Variants in SPAG16 observed in about 807,000 individuals in gnomAD.
The protein encoded by SPAG16 is sperm associated antigen 16.
SPAG16 carries 86 observed loss-of-function variants against 80.4 expected under a neutral mutation model. The observed-to-expected ratio is 1.07, with a 90% CI of 0.90 to 1.28. SPAG16 has a LOEUF of 1.28. Among genes scored for constraint, SPAG16 ranks in the 50% most tolerant of loss-of-function variants. The probability of loss-of-function intolerance (pLI) is 0.00; values close to 1 mark genes in which losing one functional copy is unlikely to be tolerated. For synonymous variants in SPAG16, 294 were observed against 265.9 expected, an observed-to-expected ratio of 1.11 and a Z score of -1.03; for missense variants, 870 against 765.3, an observed-to-expected ratio of 1.14 and a Z score of -1.61.
intron 10 of SPAG16, among the ~76,000 whole-genome samples, chr2:213,800,862 C>T (rs2071353021): frequency 6.6e-6 from 1 of 152,108 alleles, no homozygotes; most frequent in Non-Finnish European, 1.5e-5. Context: ...TTATGCTATG[C>T]TTTCTACCAA....
intron 10 of SPAG16, among the ~76,000 whole-genome samples, chr2:213,492,685 G>GTT (rs11421804): frequency 1.5e-3 from 210 of 136,310 alleles, no homozygotes; most frequent in Admixed American, 2.2e-3. Context: ...AAAGAAAGTT[G>GTT]TTTTTTTTTT....
chr2:214,028,763 G>T (rs371361693), intron 13 of SPAG16, among the ~76,000 whole-genome samples: 2 of 151,894 alleles, frequency 1.3e-5, no homozygotes, highest in Non-Finnish European at 2.9e-5. Flanking sequence ...TGTTAAAAAT[G>T]TATGTATGTG....
At chr2:214,084,515 GT>G (rs2051594815) in intron 13 of SPAG16, among the ~76,000 whole-genome samples, 1 of 152,130 alleles carries the variant, frequency 6.6e-6, no homozygotes, top group Admixed American at 6.5e-5. Flanking sequence ...CTATCAACAG[GT>G]TTTGCTTTTC....
rs186988976 is a variant in SPAG16 at position 213,369,482 on chromosome 2, T to A, written c.832+5337T>A. Among the ~76,000 whole-genome samples the A allele has an allele frequency of 6.6e-5, 10 of 152,262 alleles. No homozygotes were observed. The East Asian group carries it at 1.9e-3, about 29-fold the overall frequency. The stretch of plus-strand genomic sequence containing the variant: ...AATTTTGGTGGTAGTTACATGCCTG[T>A]TTATATTTGTCAAAACACACCTATC... On this transcript the variant is annotated intron_variant, in intron 8 of 15. Coordinates refer to ENST00000331683, the MANE Select transcript of SPAG16 (RefSeq NM_024532.5).
intron 10 of SPAG16, among the ~76,000 whole-genome samples, chr2:213,854,297 G>T (rs1455578838): frequency 1.3e-5 from 2 of 152,148 alleles, no homozygotes; most frequent in Non-Finnish European, 2.9e-5. Flanking sequence ...TATATGAAGG[G>T]CCAAATTACA....
chr2:214,248,484 A>G (rs1690020297), intron 15 of SPAG16, among the ~76,000 whole-genome samples: 1 of 151,662 alleles, frequency 6.6e-6, no homozygotes, highest in African/African-American at 2.4e-5. Flanking sequence ...CACCCAGCTA[A>G]TTTTTGTATT....
intron 10 of SPAG16, among the ~76,000 whole-genome samples, chr2:213,814,872 A>AATATATATATATATATAT (rs34269015): frequency 3.2e-4 from 47 of 148,256 alleles, no homozygotes; most frequent in African/African-American, 1.1e-3. Flanking sequence ...AACAGCCTTA[A>AATATATATATATATATAT]ATATATATAT....
At chr2:214,158,505 A>G (rs2056308741) in intron 15 of SPAG16, among the ~76,000 whole-genome samples, 1 of 152,060 alleles carries the variant, frequency 6.6e-6, no homozygotes, top group South Asian at 2.1e-4. Context: ...ATAAATTCCA[A>G]CATTTTAATA....
chr2:213,326,311 C>T (rs1348822117), intron 5 of SPAG16, among the ~76,000 whole-genome samples: 1 of 151,928 alleles, frequency 6.6e-6, no homozygotes, highest in Non-Finnish European at 1.5e-5. Flanking sequence ...ATTTCACTTT[C>T]AAAATTTACT....
At chr2:214,380,264 C>T (rs1427454242) in intron 15 of SPAG16, among the ~76,000 whole-genome samples, 6 of 152,066 alleles carry the variant, frequency 3.9e-5, no homozygotes, top group Non-Finnish European at 7.4e-5. Context: ...GCCTTTTTAC[C>T]CAATAAGATC....
chr2:213,975,570 G>T (rs972352552), intron 12 of SPAG16, among the ~76,000 whole-genome samples: 5 of 151,598 alleles, frequency 3.3e-5, no homozygotes, highest in African/African-American at 1.2e-4. Flanking sequence ...TTATAATTAA[G>T]TAAAATAGAA....
chr2:214,030,450 T>C (rs564075917), intron 13 of SPAG16, among the ~76,000 whole-genome samples: 9 of 152,316 alleles, frequency 5.9e-5, no homozygotes, highest in African/African-American at 2.2e-4. Context: ...TAAACACACT[T>C]TTATTTCTTA....
chr2:214,211,645 G>C (rs565166190), intron 15 of SPAG16, among the ~76,000 whole-genome samples: 1 of 152,218 alleles, frequency 6.6e-6, no homozygotes, highest in South Asian at 2.1e-4. Flanking sequence ...GACTAGAGAG[G>C]GGACCTGCAA....
In SPAG16 at chr2:213,694,042, C is replaced by CAAAAAAAAAA. The variant is rs68152101; in HGVS notation, c.1071-168440_1071-168431dup. Reference sequence around the variant, plus strand: ...TCATTCTTTGGTGCTTTATGCAAGACAAAAAAAAAAAAGAAAAAAGAGAGG... The same window carrying CAAAAAAAAAA: ...TCATTCTTTGGTGCTTTATGCAAGACAAAAAAAAAAAAAAAAAAAAAAGAAAAAAGAGAGG... On this transcript the variant is annotated intron_variant, in intron 10 of 15. Coordinates refer to ENST00000331683, the MANE Select transcript of SPAG16 (RefSeq NM_024532.5). Among the ~76,000 whole-genome samples, 95 of 121,370 alleles carry CAAAAAAAAAA rather than the reference C, an allele frequency of 7.8e-4. 2 individuals carry two copies. Among genetic ancestry groups the CAAAAAAAAAA allele is most frequent in the African/African-American group, 2.9e-3 (88 of 30,870 alleles). The allele number at this position is 121,370 out of a possible 152,430, so 79.6% of individuals were successfully genotyped here.
At chr2:213,588,695 G>A (rs1157941045) in intron 10 of SPAG16, among the ~76,000 whole-genome samples, 2 of 150,736 alleles carry the variant, frequency 1.3e-5, no homozygotes, top group South Asian at 2.1e-4. Flanking sequence ...CCAGCTACTC[G>A]GGAGGCTGAG....
intron 15 of SPAG16, among the ~76,000 whole-genome samples, chr2:214,210,155 A>G (rs57482935): frequency 6.6e-6 from 1 of 152,234 alleles, no homozygotes; most frequent in African/African-American, 2.4e-5. Flanking sequence ...GAAGGGTCTT[A>G]TCTCCCTATC....
chr2:214,103,267 G>A (rs955441832), intron 13 of SPAG16, among the ~76,000 whole-genome samples: 1 of 152,114 alleles, frequency 6.6e-6, no homozygotes, highest in African/African-American at 2.4e-5. Context: ...CATTTTTAGA[G>A]AGGCAATATT....
intron 15 of SPAG16, among the ~76,000 whole-genome samples, chr2:214,157,383 A>G (rs2056262580): frequency 1.3e-5 from 2 of 152,104 alleles, no homozygotes; most frequent in Admixed American, 1.3e-4. Flanking sequence ...CTGTACAGTA[A>G]AAAAAACTGT....
At chr2:214,216,504 T>C (rs35966160) in intron 15 of SPAG16, among the ~76,000 whole-genome samples, 21,030 of 152,082 alleles carry the variant, frequency 0.14, 1,552 homozygotes, top group East Asian at 0.19. Context: ...TGTATTTTAG[T>C]AGAGATGGGG....
Sources: allele counts gnomAD v4.1 joint callset (sites outside exome capture counted in the v4.1 genomes callset), GRCh38; gene constraint gnomAD v4.1.1; transcripts MANE v1.5; gene names NCBI Gene and HGNC (gene_info 2026-07-23, HGNC 2026-07-21).